The following PDZRN3 variants were observed in gnomAD, a reference collection of about 807,000 sequenced individuals.
PDZRN3 encodes the protein PDZ domain containing ring finger 3.
A neutral mutation model predicts 85.7 loss-of-function variants in PDZRN3; 38 were observed. The observed-to-expected ratio is 0.44, with a 90% CI of 0.34 to 0.58. The LOEUF (loss-of-function observed/expected upper bound fraction) is 0.58. PDZRN3 is among the 20% of genes least tolerant of loss of function. The pLI is 0.01. For synonymous variants in PDZRN3, 759 were observed against 638.0 expected (o/e 1.19, Z -2.86); for missense variants, 1,629 against 1,506.4 (o/e 1.08, Z -1.35).
chr3:73,388,288 A>G (rs375517877), intron 7 of PDZRN3: 1 of 414,188 alleles, frequency 2.4e-6, no homozygotes. Flanking sequence ...CTCCATGAGT[A>G]TAGTTCATGA....
chr3:73,531,269 A>AT (rs1488897135), intron 3 of PDZRN3, among the ~76,000 whole-genome samples: 11 of 151,296 alleles, frequency 7.3e-5, no homozygotes, highest in Non-Finnish European at 1.6e-4. Context: ...AAAAAAAAAA[A>AT]AAAAGGAGTG....
At chr3:73,574,969 G>T (rs1221214283) in intron 3 of PDZRN3, among the ~76,000 whole-genome samples, 3 of 152,136 alleles carry the variant, frequency 2.0e-5, no homozygotes, top group Non-Finnish European at 4.4e-5. Flanking sequence ...GCTTGATAAG[G>T]TGTCATTCCT....
rs113483992 is a variant in PDZRN3 at position 73,472,939 on chromosome 3, G to A, written c.919-68544C>T. ...TATGCATTCAAGATATACCATGTTG[G>A]TCTTTACTGCATTCTTTGTCTGTTT... On this transcript the variant is annotated intron_variant, in intron 3 of 9. Transcript: ENST00000263666. Among the ~76,000 whole-genome samples, 603 of 152,224 alleles carry A rather than the reference G, an allele frequency of 4.0e-3. 4 individuals are homozygous for A. The highest frequency in any genetic ancestry group is 0.013 in the African/African-American group (558 of 41,524).
At chr3:73,429,222 T>A (rs765733055) in intron 3 of PDZRN3, among the ~76,000 whole-genome samples, 1 of 152,174 alleles carries the variant, frequency 6.6e-6, no homozygotes, top group Non-Finnish European at 1.5e-5. Context: ...AAGATGAGCT[T>A]TCTTTTTCCA....
At chr3:73,600,076 G>A in intron 3 of PDZRN3, among the ~76,000 whole-genome samples, 1 of 152,156 alleles carries the variant, frequency 6.6e-6, no homozygotes, top group East Asian at 1.9e-4. Context: ...AGCTGGGCTG[G>A]CACCGATGTG....
At chr3:73,589,237 T>C (rs1702320376) in intron 3 of PDZRN3, among the ~76,000 whole-genome samples, 2 of 152,132 alleles carry the variant, frequency 1.3e-5, no homozygotes, top group Non-Finnish European at 2.9e-5. Context: ...TGGAAGAAGC[T>C]GACTCAGAAT....
At chr3:73,436,041 C>T (rs1030592239) in intron 3 of PDZRN3, among the ~76,000 whole-genome samples, 4 of 152,188 alleles carry the variant, frequency 2.6e-5, no homozygotes, top group Admixed American at 1.3e-4. Flanking sequence ...CCGCTCTTCC[C>T]TTTCTCCTTC....
At chr3:73,611,734 T>C (rs9818960) in intron 1 of PDZRN3, among the ~76,000 whole-genome samples, 62,214 of 152,096 alleles carry the variant, frequency 0.41, 13,724 homozygotes, top group East Asian at 0.5. Context: ...CACTCCTTTC[T>C]CCACAAACAA....
Position 73,622,182 on chromosome 3 carries a change from T to G in PDZRN3, c.723+1921A>C, listed in dbSNP as rs150318491. 6.1e-3 allele frequency among the ~76,000 whole-genome samples: 923 copies of G among 152,344 alleles called. 7 individuals are homozygous for G. The highest frequency in any genetic ancestry group is 0.011 in the Non-Finnish European group (729 of 68,032). The stretch of plus-strand genomic sequence containing the variant: ...GGCTCACACCAGTCTTTTGTGTGCC[T>G]GTGAGGTCCTGGGCAAGCTGTGGAG... On this transcript the variant is annotated intron_variant, in intron 1 of 9. Transcript: ENST00000263666.
chr3:73,461,087 C>T (rs1387502362), intron 3 of PDZRN3, among the ~76,000 whole-genome samples: 2 of 152,146 alleles, frequency 1.3e-5, no homozygotes, highest in African/African-American at 2.4e-5. Flanking sequence ...AGCCACCGTA[C>T]CTGGCCAAGA....
intron 5 of PDZRN3, among the ~76,000 whole-genome samples, chr3:73,394,045 T>C (rs1001425028): frequency 6.6e-6 from 1 of 152,200 alleles, no homozygotes; most frequent in Non-Finnish European, 1.5e-5. Context: ...AACAAATCTT[T>C]ATGACTTTTT....
At chr3:73,455,792 A>G (rs1456966780) in intron 3 of PDZRN3, among the ~76,000 whole-genome samples, 1 of 152,208 alleles carries the variant, frequency 6.6e-6, no homozygotes. Context: ...GACAAATCAA[A>G]AGGTACACTT....
At chr3:73,602,806 T>C (rs115744160) in intron 2 of PDZRN3, among the ~76,000 whole-genome samples, 3,380 of 152,332 alleles carry the variant, frequency 0.022, 47 homozygotes, top group Non-Finnish European at 0.033. Context: ...ACAAATGTGA[T>C]TATGCTAGTC....
intron 3 of PDZRN3, among the ~76,000 whole-genome samples, chr3:73,580,991 C>A (rs1172406207): frequency 1.3e-5 from 2 of 152,196 alleles, no homozygotes; most frequent in South Asian, 2.1e-4. Flanking sequence ...CAGAAGCAAC[C>A]AGCAACAGAT....
At chr3:73,524,531 C>T (rs893647973) in intron 3 of PDZRN3, among the ~76,000 whole-genome samples, 6 of 152,258 alleles carry the variant, frequency 3.9e-5, no homozygotes, top group Admixed American at 2.0e-4. Flanking sequence ...GCAAGTGGCA[C>T]GGTCAGGTGT....
intron 3 of PDZRN3, among the ~76,000 whole-genome samples, chr3:73,587,101 G>A (rs956692917): frequency 3.3e-5 from 5 of 152,216 alleles, no homozygotes; most frequent in African/African-American, 4.8e-5. Context: ...CTGTTAACAC[G>A]AAGGCACAGC....
At chr3:73,588,583 AGTT>A (rs940307500) in intron 3 of PDZRN3, among the ~76,000 whole-genome samples, 3 of 152,104 alleles carry the variant, frequency 2.0e-5, no homozygotes, top group African/African-American at 7.2e-5. Flanking sequence ...CCCACTAATT[AGTT>A]TTGCTCTTAG....
chr3:73,571,077 T>C (rs1702039648), intron 3 of PDZRN3, among the ~76,000 whole-genome samples: 1 of 152,196 alleles, frequency 6.6e-6, no homozygotes, highest in Non-Finnish European at 1.5e-5. Context: ...ACTAAGTTTT[T>C]GACGATTCAG....
chr3:73,553,601 TC>T (rs1701618313), intron 3 of PDZRN3, among the ~76,000 whole-genome samples: 1 of 150,192 alleles, frequency 6.7e-6, no homozygotes, highest in Admixed American at 6.6e-5. Context: ...AGAACTATTA[TC>T]CCCATTTCAG....
Sources: gnomAD v4.1 joint callset for allele counts (sites outside exome capture counted in the v4.1 genomes callset) on GRCh38, gnomAD v4.1.1 for gene constraint, MANE v1.5 for transcripts, NCBI Gene and HGNC (gene_info 2026-07-23, HGNC 2026-07-21) for gene names.